The following ORC4 variants were observed in gnomAD, a reference collection of about 807,000 sequenced individuals.
ORC4 encodes origin recognition complex subunit 4, also known as origin recognition complex, subunit 4 homolog.
ORC4 carries 55 observed loss-of-function variants against 63.9 expected under a neutral mutation model. The observed-to-expected ratio is 0.86, with a 90% CI of 0.69 to 1.08. ORC4 has a LOEUF of 1.08. ORC4 is among the 50% of genes least tolerant of loss of function. The probability of loss-of-function intolerance (pLI) is 0.00; values close to 1 mark genes in which losing one functional copy is unlikely to be tolerated. For synonymous variants in ORC4, 150 were observed against 168.5 expected (o/e 0.89, Z 0.85); for missense variants, 511 against 504.4 (o/e 1.01, Z -0.13).
chr2:148,002,263 C>T (rs1002911130), intron 1 of ORC4, among the ~76,000 whole-genome samples: 3 of 152,116 alleles, frequency 2.0e-5, no homozygotes, highest in Non-Finnish European at 4.4e-5. Context: ...CCAAGTGGAC[C>T]TAATAGACAT....
At chr2:147,944,696 TTA>T (rs199923081) in intron 9 of ORC4, among the ~76,000 whole-genome samples, 110 of 133,448 alleles carry the variant, frequency 8.2e-4, no homozygotes, top group East Asian at 2.8e-3. Flanking sequence ...AAGGATTCTT[TTA>T]AAAAAAAAAA....
At chr2:147,949,798 C>G (rs1203699244) in intron 8 of ORC4, among the ~76,000 whole-genome samples, 1 of 152,126 alleles carries the variant, frequency 6.6e-6, no homozygotes, top group African/African-American at 2.4e-5. Flanking sequence ...GTAATTGAAT[C>G]TTGGCAATGA....
intron 5 of ORC4, 98 bp downstream of exon 5, chr2:147,958,693 C>T: frequency 1.4e-6 from 1 of 700,062 alleles, no homozygotes; most frequent in South Asian, 1.7e-5. Context: ...ATCTAGTTTT[C>T]AAAATCTAAC....
At chr2:147,987,364 A>ATGTGTG (rs761445778) in intron 1 of ORC4, among the ~76,000 whole-genome samples, 2 of 47,536 alleles carry the variant, frequency 4.2e-5, no homozygotes, top group African/African-American at 6.3e-5. Flanking sequence ...ATAGATATAT[A>ATGTGTG]TATGTGTGTG....
At chr2:147,945,699 T>C (rs551163376) in intron 9 of ORC4, among the ~76,000 whole-genome samples, 3 of 152,272 alleles carry the variant, frequency 2.0e-5, no homozygotes, top group South Asian at 2.1e-4. Flanking sequence ...AATCTTATCC[T>C]GAAGATATTT....
At chr2:147,972,213 A>AT (rs1421323117) in intron 4 of ORC4, among the ~76,000 whole-genome samples, 1 of 152,124 alleles carries the variant, frequency 6.6e-6, no homozygotes, top group Non-Finnish European at 1.5e-5. Context: ...GGAGACAAGA[A>AT]TGATATAAGA....
intron 1 of ORC4, among the ~76,000 whole-genome samples, chr2:148,007,772 T>A (rs1401074400): frequency 8.6e-5 from 13 of 152,034 alleles, no homozygotes; most frequent in Non-Finnish European, 1.6e-4. Flanking sequence ...TTAAGGCATA[T>A]AATAATTAAA....
intron 13 of ORC4, chr2:147,937,883 T>TCA (rs1215071843): frequency 2.1e-6 from 1 of 487,660 alleles, no homozygotes; most frequent in Non-Finnish European, 3.7e-6. Flanking sequence ...AAAGGTTATA[T>TCA]CACACACTAT....
intron 8 of ORC4, among the ~76,000 whole-genome samples, chr2:147,950,035 A>G (rs1415893825): frequency 2.6e-5 from 4 of 152,148 alleles, no homozygotes; most frequent in African/African-American, 9.7e-5. Flanking sequence ...AGGAAAGACT[A>G]ATAGCCTGAG....
At chr2:147,985,807 A>C (rs1047462278) in intron 1 of ORC4, among the ~76,000 whole-genome samples, 11 of 152,102 alleles carry the variant, frequency 7.2e-5, no homozygotes, top group Non-Finnish European at 1.5e-5. Context: ...CTGCTTGCTG[A>C]CTAGCAATGG....
intron 8 of ORC4, among the ~76,000 whole-genome samples, chr2:147,948,758 C>A (rs973292073): frequency 6.6e-6 from 1 of 150,588 alleles, no homozygotes; most frequent in African/African-American, 2.4e-5. Flanking sequence ...AATTTACTGT[C>A]AAAGAACACT....
intron 3 of ORC4, among the ~76,000 whole-genome samples, chr2:147,973,060 T>C (rs1401003130): frequency 6.6e-6 from 1 of 152,152 alleles, no homozygotes; most frequent in Non-Finnish European, 1.5e-5. Context: ...TTGGAATATA[T>C]TGATTTATAC....
At chr2:147,939,119 A>C (rs1400153250) in intron 11 of ORC4, 21 bp downstream of exon 11, 1 of 1,439,580 alleles carries the variant, frequency 6.9e-7, no homozygotes, top group Middle Eastern at 1.7e-4. Flanking sequence ...CACAATTTAA[A>C]AAATAAGGCT....
chr2:147,956,192 T>C (rs1689241511), intron 6 of ORC4, among the ~76,000 whole-genome samples: 1 of 152,076 alleles, frequency 6.6e-6, no homozygotes, highest in African/African-American at 2.4e-5. Flanking sequence ...AACACACTTA[T>C]TCACTCTCCA....
intron 2 of ORC4, 134 bp from the exon 3 acceptor site, chr2:147,973,658 C>G: frequency 1.7e-6 from 1 of 590,668 alleles, no homozygotes. Flanking sequence ...TTCTTATCCT[C>G]TAGAGTTCTG....
At chr2:147,939,585 C>T (rs923118023) in intron 10 of ORC4, among the ~76,000 whole-genome samples, 1 of 151,858 alleles carries the variant, frequency 6.6e-6, no homozygotes, top group African/African-American at 2.4e-5. Context: ...AATAAAAGCC[C>T]CAAACACAAG....
intron 4 of ORC4, among the ~76,000 whole-genome samples, chr2:147,968,024 G>A (rs2105337794): frequency 6.6e-6 from 1 of 152,000 alleles, no homozygotes; most frequent in Non-Finnish European, 1.5e-5. Flanking sequence ...TTTTACAAAG[G>A]CCAAGAACAC....
chr2:148,018,925 A>G (rs1361090471), intron 1 of ORC4, among the ~76,000 whole-genome samples: 1 of 152,216 alleles, frequency 6.6e-6, no homozygotes. Context: ...GCGCTTACAT[A>G]GAGTTCACAC....
chr2:148,014,323 T>G (rs567502480), intron 1 of ORC4, among the ~76,000 whole-genome samples: 1 of 152,132 alleles, frequency 6.6e-6, no homozygotes, highest in Non-Finnish European at 1.5e-5. Flanking sequence ...TGAAGGAAAA[T>G]AGAATTCATG....
Sources: gnomAD v4.1 joint callset for allele counts (sites outside exome capture counted in the v4.1 genomes callset) on GRCh38, gnomAD v4.1.1 for gene constraint, MANE v1.5 for transcripts, NCBI Gene and HGNC (gene_info 2026-07-23, HGNC 2026-07-21) for gene names.